Variants in SEMA6D observed in about 807,000 individuals in gnomAD.
SEMA6D encodes semaphorin 6D.
In SEMA6D, 35 loss-of-function variants were observed where a neutral mutation model predicts 106.6. The ratio of observed to expected loss-of-function variants is 0.33; its 90% confidence interval spans 0.25 to 0.44. The LOEUF (loss-of-function observed/expected upper bound fraction) is 0.44, where lower values mean the gene tolerates loss of function less well. SEMA6D is among the 20% of genes least tolerant of loss of function. The probability of loss-of-function intolerance (pLI) is 1.00; values close to 1 mark genes in which losing one functional copy is unlikely to be tolerated. For missense variants in SEMA6D, 1,185 were observed against 1,345.9 expected (o/e 0.88, Z 1.87); for synonymous variants, 499 against 487.7 (o/e 1.02, Z -0.31).
At chr15:47,514,404 A>T (rs1447980496) in intron 3 of SEMA6D, among the ~76,000 whole-genome samples, 2 of 152,084 alleles carry the variant, frequency 1.3e-5, no homozygotes, top group African/African-American at 2.4e-5. Flanking sequence ...CAAGTTCCAA[A>T]TTTTGCCTCC....
intron 3 of SEMA6D, among the ~76,000 whole-genome samples, chr15:47,534,620 T>C (rs1378130509): frequency 6.6e-6 from 1 of 152,208 alleles, no homozygotes; most frequent in East Asian, 1.9e-4. Context: ...TATAAACAAA[T>C]GCTCATGTAA....
At chr15:47,284,634 G>T (rs2035279030) in intron 1 of SEMA6D, among the ~76,000 whole-genome samples, 2 of 152,182 alleles carry the variant, frequency 1.3e-5, no homozygotes, top group African/African-American at 4.8e-5. Flanking sequence ...ATGTGCTACA[G>T]AATTATGAAA....
chr15:47,446,627 T>C (rs2042037868), intron 2 of SEMA6D, among the ~76,000 whole-genome samples: 1 of 152,120 alleles, frequency 6.6e-6, no homozygotes, highest in Admixed American at 6.6e-5. Flanking sequence ...GTAGTAAACT[T>C]CACAAATTGT....
chr15:47,746,409 C>T (rs193016312), intron 1 of SEMA6D, among the ~76,000 whole-genome samples: 28 of 152,312 alleles, frequency 1.8e-4, no homozygotes, highest in African/African-American at 6.3e-4. Context: ...GATCATAAGT[C>T]CCTCAATTTA....
At chr15:47,409,407 G>A (rs917766922) in intron 1 of SEMA6D, among the ~76,000 whole-genome samples, 10 of 152,122 alleles carry the variant, frequency 6.6e-5, no homozygotes, top group African/African-American at 2.4e-4. Context: ...AGAGTGAGTT[G>A]GTGGATGAGT....
chr15:47,303,558 AT>A (rs2142997532), intron 1 of SEMA6D, among the ~76,000 whole-genome samples: 1 of 152,166 alleles, frequency 6.6e-6, no homozygotes, highest in African/African-American at 2.4e-5. Context: ...TCTGACATTA[AT>A]TTTCTTGGCT....
chr15:47,288,728 G>T (rs1036475310), intron 1 of SEMA6D, among the ~76,000 whole-genome samples: 3 of 152,152 alleles, frequency 2.0e-5, no homozygotes, highest in African/African-American at 7.2e-5. Flanking sequence ...GCAGAGGTCA[G>T]TTACTTTTAT....
chr15:47,518,931 T>TATA (rs2044478578), intron 3 of SEMA6D, among the ~76,000 whole-genome samples: 1 of 151,948 alleles, frequency 6.6e-6, no homozygotes, highest in Admixed American at 6.6e-5. Context: ...CACTCTATAA[T>TATA]ATAATAATAA....
chr15:47,307,677 C>T (rs964063898), intron 1 of SEMA6D, among the ~76,000 whole-genome samples: 1 of 152,122 alleles, frequency 6.6e-6, no homozygotes, highest in African/African-American at 2.4e-5. Flanking sequence ...TGTCTGATAT[C>T]AGCTGAAGTT....
chr15:47,338,314 C>G (rs996778447), intron 1 of SEMA6D, among the ~76,000 whole-genome samples: 1 of 152,148 alleles, frequency 6.6e-6, no homozygotes, highest in Non-Finnish European at 1.5e-5. Context: ...TCTCTTAACT[C>G]AAGTATTCCA....
intron 1 of SEMA6D, among the ~76,000 whole-genome samples, chr15:47,268,861 C>G (rs1371819542): frequency 5.3e-5 from 8 of 152,040 alleles, no homozygotes; most frequent in Non-Finnish European, 5.9e-5. Context: ...TGCTTACCAC[C>G]CTACCCTTTT....
chr15:47,599,335 C>G (rs563550061), intron 3 of SEMA6D, among the ~76,000 whole-genome samples: 2 of 152,196 alleles, frequency 1.3e-5, no homozygotes, highest in South Asian at 4.1e-4. Context: ...TCCTCTGTTT[C>G]ACCCCTTGTC....
chr15:47,362,688 G>A, intron 1 of SEMA6D, among the ~76,000 whole-genome samples: 1 of 152,204 alleles, frequency 6.6e-6, no homozygotes, highest in Non-Finnish European at 1.5e-5. Flanking sequence ...GGAGAGGAGA[G>A]CAGTGGCTGT....
chr15:47,216,836 C>CA (rs1210667628), intron 1 of SEMA6D, among the ~76,000 whole-genome samples: 8 of 151,500 alleles, frequency 5.3e-5, no homozygotes, highest in South Asian at 2.1e-4. Flanking sequence ...ATGAGTTTGG[C>CA]AAAAAAAATT....
intron 1 of SEMA6D, among the ~76,000 whole-genome samples, chr15:47,271,657 A>G (rs2034568075): frequency 2.0e-5 from 3 of 152,186 alleles, no homozygotes; most frequent in Admixed American, 2.0e-4. Context: ...TCATCTTTTG[A>G]GAATTGGTGG....
At chr15:47,324,361 T>C (rs900550760) in intron 1 of SEMA6D, among the ~76,000 whole-genome samples, 1 of 152,182 alleles carries the variant, frequency 6.6e-6, no homozygotes, top group African/African-American at 2.4e-5. Context: ...TGGCTTGACC[T>C]GTATTTACCT....
intron 4 of SEMA6D, among the ~76,000 whole-genome samples, chr15:47,638,392 A>G (rs2077429394): frequency 1.3e-5 from 2 of 152,204 alleles, no homozygotes; most frequent in Non-Finnish European, 2.9e-5. Context: ...TGTATGACTC[A>G]ATAATCTTCA....
At chr15:47,541,288 A>G (rs1374346536) in intron 3 of SEMA6D, among the ~76,000 whole-genome samples, 1 of 152,368 alleles carries the variant, frequency 6.6e-6, no homozygotes, top group East Asian at 1.9e-4. Flanking sequence ...TAAAAAATCA[A>G]CACTGTAATT....
At chr15:47,230,723 C>T (rs1481411292) in intron 1 of SEMA6D, among the ~76,000 whole-genome samples, 2 of 151,996 alleles carry the variant, frequency 1.3e-5, no homozygotes, top group Non-Finnish European at 2.9e-5. Flanking sequence ...TCTTAGGCCC[C>T]ATTCCTGAGA....
Sources: allele counts gnomAD v4.1 joint callset (sites outside exome capture counted in the v4.1 genomes callset), GRCh38; gene constraint gnomAD v4.1.1; transcripts MANE v1.5; gene names NCBI Gene and HGNC (gene_info 2026-07-23, HGNC 2026-07-21).